The following TMEM178B variants were observed in gnomAD, a reference collection of about 807,000 sequenced individuals.
TMEM178B encodes the protein transmembrane protein 178B.
A neutral mutation model predicts 31.0 loss-of-function variants in TMEM178B; 5 were observed. The observed-to-expected ratio is 0.16, with a 90% CI of 0.08 to 0.34. The LOEUF (loss-of-function observed/expected upper bound fraction) is 0.34, where lower values mean the gene tolerates loss of function less well. Among genes scored for constraint, TMEM178B ranks in the 10% least tolerant of loss-of-function variants. The pLI is 1.00. For missense variants in TMEM178B, 275 were observed against 400.3 expected, an observed-to-expected ratio of 0.69 and a Z score of 2.67; for synonymous variants, 164 against 164.0, an observed-to-expected ratio of 1.00 and a Z score of 0.00.
chr7:141,452,944 G>C (rs1740713226), intron 3 of TMEM178B, among the ~76,000 whole-genome samples: 1 of 152,206 alleles, frequency 6.6e-6, no homozygotes, highest in Admixed American at 6.5e-5. Flanking sequence ...CTTGTCTCAT[G>C]TCTCAGACAG....
intron 1 of TMEM178B, among the ~76,000 whole-genome samples, chr7:141,170,586 A>C (rs1796332349): frequency 6.6e-6 from 1 of 152,204 alleles, no homozygotes; most frequent in Non-Finnish European, 1.5e-5. Context: ...GTCAGCTGTT[A>C]CCGATGGTGT....
At chr7:141,404,620 G>A (rs796093806) in intron 2 of TMEM178B, among the ~76,000 whole-genome samples, 42 of 152,096 alleles carry the variant, frequency 2.8e-4, no homozygotes, top group African/African-American at 9.9e-4. Flanking sequence ...CCTGGATCCC[G>A]GACGACTTAT....
At chr7:141,161,869 G>A (rs1415319114) in intron 1 of TMEM178B, among the ~76,000 whole-genome samples, 1 of 152,052 alleles carries the variant, frequency 6.6e-6, no homozygotes, top group African/African-American at 2.4e-5. Context: ...TGAGTGTGCA[G>A]CTGTGTGGTA....
At chr7:141,224,801 C>A (rs1303166768) in intron 2 of TMEM178B, among the ~76,000 whole-genome samples, 1 of 152,132 alleles carries the variant, frequency 6.6e-6, no homozygotes, top group African/African-American at 2.4e-5. Context: ...GCGATGACAC[C>A]CCTTGGAGAG....
chr7:141,138,971 G>A (rs1586790777), intron 1 of TMEM178B, among the ~76,000 whole-genome samples: 2 of 151,196 alleles, frequency 1.3e-5, no homozygotes, highest in Admixed American at 1.3e-4. Context: ...GCAACACAGT[G>A]AGACTCCATG....
At chr7:141,159,163 C>G (rs1796125518) in intron 1 of TMEM178B, among the ~76,000 whole-genome samples, 1 of 152,062 alleles carries the variant, frequency 6.6e-6, no homozygotes, top group Admixed American at 6.6e-5. Context: ...CTCCTCATCT[C>G]CTCTTTCTTC....
At position 141,370,523 on chromosome 7, in the gene TMEM178B, C is replaced by T. The variant is rs185316943; in HGVS notation, c.497-67085C>T. The stretch of plus-strand genomic sequence containing the variant: ...CAACGTGTGATAAAGTGTTCTTGTA[C>T]GGATAATAGACAGGGACTTTTATTG... On this transcript the variant is annotated intron_variant, in intron 2 of 3. Coordinates refer to ENST00000565468, the MANE Select transcript of TMEM178B (RefSeq NM_001195278.2). Among the ~76,000 whole-genome samples, 260 of 152,244 alleles carry T rather than the reference C, an allele frequency of 1.7e-3. 1 individual carries two copies. Among genetic ancestry groups the T allele is most frequent in the African/African-American group, 5.7e-3 (236 of 41,542 alleles).
chr7:141,334,220 G>A (rs1453199167), intron 2 of TMEM178B, among the ~76,000 whole-genome samples: 1 of 152,184 alleles, frequency 6.6e-6, no homozygotes, highest in African/African-American at 2.4e-5. Context: ...TGCAGTATAG[G>A]GTTTTGGTCA....
At chr7:141,205,018 G>A (rs1005116601) in intron 1 of TMEM178B, among the ~76,000 whole-genome samples, 26 of 151,792 alleles carry the variant, frequency 1.7e-4, no homozygotes, top group African/African-American at 6.3e-4. Context: ...TAGAGACGGG[G>A]TCTCACTCTA....
intron 2 of TMEM178B, among the ~76,000 whole-genome samples, chr7:141,385,612 C>T (rs1271035988): frequency 6.6e-6 from 1 of 152,206 alleles, no homozygotes; most frequent in Non-Finnish European, 1.5e-5. Context: ...TCCCATCATC[C>T]TTTTTGTTAA....
intron 2 of TMEM178B, among the ~76,000 whole-genome samples, chr7:141,418,097 A>G (rs915543711): frequency 2.0e-5 from 3 of 152,210 alleles, no homozygotes; most frequent in Non-Finnish European, 4.4e-5. Context: ...AGTCCCAGGT[A>G]TTAGGTTCAT....
intron 2 of TMEM178B, among the ~76,000 whole-genome samples, chr7:141,368,986 C>T (rs1266994471): frequency 6.6e-6 from 1 of 152,064 alleles, no homozygotes; most frequent in East Asian, 1.9e-4. Flanking sequence ...GCCGTGGGCC[C>T]CTCCTGTAGA....
At chr7:141,297,132 A>G (rs1051948703) in intron 2 of TMEM178B, 3 of 152,200 alleles carry the variant, frequency 2.0e-5, no homozygotes, top group Non-Finnish European at 4.4e-5. Context: ...GTACTGATGT[A>G]TGTTTTCCTT....
At chr7:141,166,915 C>G (rs565481708) in intron 1 of TMEM178B, among the ~76,000 whole-genome samples, 1 of 152,176 alleles carries the variant, frequency 6.6e-6, no homozygotes, top group African/African-American at 2.4e-5. Flanking sequence ...CATTCATTCC[C>G]CTTTCTTGTC....
At chr7:141,400,929 T>C (rs1800750906) in intron 2 of TMEM178B, among the ~76,000 whole-genome samples, 1 of 152,222 alleles carries the variant, frequency 6.6e-6, no homozygotes, top group Non-Finnish European at 1.5e-5. Context: ...CAATATTGCA[T>C]GTCTTCTCTT....
At chr7:141,507,824 T>A in the TMEM178B span, among the ~76,000 whole-genome samples, 1 of 152,140 alleles carries the variant, frequency 6.6e-6, no homozygotes, top group Non-Finnish European at 1.5e-5. Context: ...GGGCACCAAG[T>A]CCCTAGGTTG....
intron 2 of TMEM178B, among the ~76,000 whole-genome samples, chr7:141,369,778 A>C (rs985639614): frequency 2.0e-5 from 3 of 152,120 alleles, no homozygotes; most frequent in Non-Finnish European, 4.4e-5. Context: ...ATTACTTCCT[A>C]CCTTATAGCC....
chr7:141,371,731 T>A (rs1319741255), intron 2 of TMEM178B, among the ~76,000 whole-genome samples: 1 of 152,166 alleles, frequency 6.6e-6, no homozygotes, highest in African/African-American at 2.4e-5. Context: ...AGAGGTAGAC[T>A]TACCACTAGG....
At chr7:141,285,960 G>T (rs1008880576) in intron 2 of TMEM178B, among the ~76,000 whole-genome samples, 4 of 152,156 alleles carry the variant, frequency 2.6e-5, no homozygotes, top group Non-Finnish European at 5.9e-5. Context: ...GGAGCTAGGG[G>T]AGGGATAGCA....
Sources: allele counts gnomAD v4.1 joint callset (sites outside exome capture counted in the v4.1 genomes callset), GRCh38; gene constraint gnomAD v4.1.1; transcripts MANE v1.5; gene names NCBI Gene and HGNC (gene_info 2026-07-23, HGNC 2026-07-21).